Variants in SEPTIN7 observed in about 807,000 individuals in gnomAD.
The protein encoded by SEPTIN7 is septin-7.
SEPTIN7 carries 10 observed loss-of-function variants against 63.3 expected under a neutral mutation model. The observed-to-expected ratio is 0.16, with a 90% CI of 0.10 to 0.27. The LOEUF is 0.27. Ranked by LOEUF, SEPTIN7 falls within the 10% of genes least tolerant of loss-of-function variation. The pLI, the probability that SEPTIN7 is intolerant of heterozygous loss-of-function variation, is 1.00. For synonymous variants in SEPTIN7, 131 were observed against 165.3 expected, an observed-to-expected ratio of 0.79 and a Z score of 1.59; for missense variants, 310 against 521.0, an observed-to-expected ratio of 0.59 and a Z score of 3.94.
At chr7:35,914,456 C>G in the SEPTIN7 span, among the ~76,000 whole-genome samples, 2 of 152,154 alleles carry the variant, frequency 1.3e-5, no homozygotes, top group Non-Finnish European at 2.9e-5. Flanking sequence ...CTGACCTCCC[C>G]CAAGGAAGAA....
At chr7:35,856,265 G>A (rs1227432630) in intron 3 of SEPTIN7, among the ~76,000 whole-genome samples, 1 of 152,018 alleles carries the variant, frequency 6.6e-6, no homozygotes, top group African/African-American at 2.4e-5. Flanking sequence ...GGCTTCTTTC[G>A]CTCACCAGCG....
At chr7:35,915,365 A>G in the SEPTIN7 span, among the ~76,000 whole-genome samples, 7 of 152,198 alleles carry the variant, frequency 4.6e-5, no homozygotes, top group Non-Finnish European at 1.0e-4. Flanking sequence ...GACCAGGGAC[A>G]TTTTAGACTT....
At chr7:35,818,201 G>T (rs2115768977) in intron 1 of SEPTIN7, among the ~76,000 whole-genome samples, 1 of 151,984 alleles carries the variant, frequency 6.6e-6, no homozygotes, top group Non-Finnish European at 1.5e-5. Context: ...TTGAATTTTT[G>T]TCAAATGTGT....
chr7:35,889,796 G>A (rs1787524276), intron 10 of SEPTIN7, among the ~76,000 whole-genome samples: 3 of 152,108 alleles, frequency 2.0e-5, no homozygotes, highest in South Asian at 2.1e-4. Context: ...TGCCCGCCCC[G>A]GCCTCTCAAA....
intron 3 of SEPTIN7, among the ~76,000 whole-genome samples, chr7:35,841,615 C>T (rs1170262558): frequency 6.6e-6 from 1 of 152,110 alleles, no homozygotes; most frequent in Non-Finnish European, 1.5e-5. Flanking sequence ...GATAGGTGGA[C>T]TGAAGTAAAA....
At chr7:35,890,939 T>C (rs889338736) in intron 11 of SEPTIN7, 146 bp downstream of exon 11, 2 of 656,386 alleles carry the variant, frequency 3.0e-6, no homozygotes, top group African/African-American at 1.9e-5. Flanking sequence ...TATATTGTTA[T>C]GCTTTGTTAA....
At position 35,903,245 on chromosome 7, in the gene SEPTIN7, G is replaced by A. The variant is rs1033306141; in HGVS notation, c.1274+30G>A. The A allele has an allele frequency of 9.3e-6, 14 of 1,499,668 alleles. No homozygotes were observed. In the African/African-American group the frequency reaches 1.1e-4, roughly 12 times the overall value. 92.9% of individuals were successfully genotyped at this position (1,499,668 alleles called of 1,614,324 possible). A position where few individuals can be genotyped will look rare whatever the true frequency, so the allele number is the denominator to read the frequency against. ...CTAATAGCAGATTACTAAGAAATGT[G>A]TGTATTAATGTTTTAAAGAATTGTT... On this transcript the variant is annotated intron_variant, in intron 13 of 13. Coordinates refer to ENST00000350320, the MANE Select transcript of SEPTIN7 (RefSeq NM_001788.6).
intron 1 of SEPTIN7, among the ~76,000 whole-genome samples, chr7:35,811,287 G>A (rs1197312853): frequency 6.6e-6 from 1 of 151,652 alleles, no homozygotes; most frequent in African/African-American, 2.4e-5. Flanking sequence ...ATCTATACAA[G>A]GAAAAATTTT....
chr7:35,896,839 C>T (rs909363133), intron 11 of SEPTIN7, among the ~76,000 whole-genome samples: 5 of 152,158 alleles, frequency 3.3e-5, no homozygotes, highest in African/African-American at 9.7e-5. Context: ...TTCTAATTTA[C>T]GCAATTGCGA....
Position 35,878,617 on chromosome 7 carries a change from C to T in SEPTIN7, c.513-1206C>T, listed in dbSNP as rs557537291. Among the ~76,000 whole-genome samples, 14 of 152,144 alleles carry T rather than the reference C, an allele frequency of 9.2e-5. No homozygotes were observed. The East Asian group carries it at 2.5e-3, about 27-fold the overall frequency. On this transcript the variant is annotated intron_variant, in intron 6 of 13. Transcript: ENST00000350320. ...ATTCCAAAGGACTTGGTGGCCTAGA[C>T]TAAAGTAATGGAAATGGAGATATAC... is the stretch of plus-strand genomic sequence containing the variant.
intron 1 of SEPTIN7, among the ~76,000 whole-genome samples, chr7:35,802,736 A>G (rs1403638325): frequency 6.6e-6 from 1 of 152,208 alleles, no homozygotes; most frequent in Admixed American, 6.5e-5. Context: ...AACAATGACC[A>G]AGTCAGCTAT....
chr7:35,909,423 T>C (rs369670603), downstream of SEPTIN7, among the ~76,000 whole-genome samples: 37 of 152,306 alleles, frequency 2.4e-4, no homozygotes, highest in Middle Eastern at 3.4e-3. Flanking sequence ...TTCTGTAGTC[T>C]CCATTCAGGT....
At chr7:35,829,958 C>T (rs1383456738) in intron 1 of SEPTIN7, among the ~76,000 whole-genome samples, 8 of 151,856 alleles carry the variant, frequency 5.3e-5, no homozygotes, top group Non-Finnish European at 8.8e-5. Flanking sequence ...GAGGCCAAGG[C>T]GGGTGGATCA....
intron 3 of SEPTIN7, among the ~76,000 whole-genome samples, chr7:35,851,653 T>C (rs1934939864): frequency 6.6e-6 from 1 of 152,170 alleles, no homozygotes; most frequent in Admixed American, 6.5e-5. Flanking sequence ...TTTGATTTGA[T>C]AGGACTGATT....
At position 35,801,108 on chromosome 7, in the gene SEPTIN7, A is replaced by T. The variant is rs1787920165; in HGVS notation, c.-102A>T. 1 of 934,706 alleles carries T rather than the reference A, an allele frequency of 1.1e-6. No individual in the cohort carries two copies. Among genetic ancestry groups the T allele is most frequent in the African/African-American group, 1.8e-5 (1 of 56,714 alleles). The allele number at this position is 934,706 out of a possible 1,614,324, so 57.9% of individuals were successfully genotyped here. ...CCGCCTGCTGTAGCGTGCGTAAGCA[A>T]GGCAGCTACGCCGGGCGGCTACGCT... is the stretch of plus-strand genomic sequence containing the variant. On this transcript the variant is annotated 5_prime_UTR_variant, in exon 1 of 14. The change creates a new upstream start codon in the 5' untranslated region. Coordinates refer to ENST00000350320, the MANE Select transcript of SEPTIN7 (RefSeq NM_001788.6).
downstream of SEPTIN7, among the ~76,000 whole-genome samples, chr7:35,907,998 A>T (rs1788664433): frequency 6.6e-6 from 1 of 152,184 alleles, no homozygotes; most frequent in South Asian, 2.1e-4. Flanking sequence ...GTTTATTTTT[A>T]GGAAATGTGC....
At chr7:35,880,422 T>C (rs76677646) in intron 7 of SEPTIN7, among the ~76,000 whole-genome samples, 3,876 of 151,916 alleles carry the variant, frequency 0.026, 89 homozygotes, top group Middle Eastern at 0.058. Context: ...TTTTGAAAAC[T>C]TTTTTGGAAT....
At chr7:35,841,087 G>A (rs951214989) in intron 3 of SEPTIN7, among the ~76,000 whole-genome samples, 1 of 152,096 alleles carries the variant, frequency 6.6e-6, no homozygotes, top group Non-Finnish European at 1.5e-5. Flanking sequence ...CAGATGTAGC[G>A]GTGTGCACCT....
intron 3 of SEPTIN7, among the ~76,000 whole-genome samples, chr7:35,853,990 A>G (rs1785080187): frequency 6.6e-6 from 1 of 152,220 alleles, no homozygotes; most frequent in Admixed American, 6.5e-5. Context: ...CAGATTGAGT[A>G]TCCCTAATCC....
Sources: allele counts gnomAD v4.1 joint callset (sites outside exome capture counted in the v4.1 genomes callset), GRCh38; gene constraint gnomAD v4.1.1; transcripts MANE v1.5; gene names NCBI Gene and HGNC (gene_info 2026-07-23, HGNC 2026-07-21).